The following VEPH1 variants were observed in gnomAD, a reference collection of about 807,000 sequenced individuals.
The protein encoded by VEPH1 is ventricular zone-expressed PH domain-containing protein homolog 1.
In VEPH1, 80 loss-of-function variants were observed where a neutral mutation model predicts 85.2. That is an observed-to-expected ratio of 0.94 (90% CI 0.78 to 1.13). The LOEUF is 1.13. Among genes scored for constraint, VEPH1 ranks in the 50% most tolerant of loss-of-function variants. VEPH1 has a pLI of 0.00. For missense variants in VEPH1, 955 were observed against 980.5 expected (o/e 0.97, Z 0.35); for synonymous variants, 297 against 348.0 (o/e 0.85, Z 1.63).
At chr3:157,429,397 T>C (rs144024315) in intron 4 of VEPH1, among the ~76,000 whole-genome samples, 344 of 152,296 alleles carry the variant, frequency 2.3e-3, no homozygotes, top group African/African-American at 7.9e-3. Context: ...GGTAGGAACA[T>C]GCCTATATAT....
At chr3:157,403,528 G>A (rs556756977) in intron 6 of VEPH1, among the ~76,000 whole-genome samples, 2 of 152,164 alleles carry the variant, frequency 1.3e-5, no homozygotes, top group East Asian at 1.9e-4. Context: ...GCTCGAGTGA[G>A]TAAAGTATCA....
intron 6 of VEPH1, among the ~76,000 whole-genome samples, chr3:157,400,922 G>T (rs1730745313): frequency 6.6e-6 from 1 of 152,114 alleles, no homozygotes; most frequent in Non-Finnish European, 1.5e-5. Flanking sequence ...AAGGGACCCA[G>T]AATGAATTAT....
chr3:157,321,660 A>T (rs568761639), intron 9 of VEPH1, among the ~76,000 whole-genome samples: 4 of 152,184 alleles, frequency 2.6e-5, no homozygotes, highest in African/African-American at 9.6e-5. Flanking sequence ...AATTCAATAG[A>T]AAGAGCATTG....
At chr3:157,472,207 A>G (rs67118252) in intron 2 of VEPH1, among the ~76,000 whole-genome samples, 62,916 of 152,052 alleles carry the variant, frequency 0.41, 14,644 homozygotes, top group African/African-American at 0.64. Context: ...TTGAATAAAA[A>G]TCATCTCTAC....
chr3:157,369,180 G>GAAAAAAAAAAACAA (rs1553773037), intron 7 of VEPH1, among the ~76,000 whole-genome samples: 4 of 42,780 alleles, frequency 9.4e-5, no homozygotes, highest in Non-Finnish European at 1.2e-4. Context: ...AAAACCAAAT[G>GAAAAAAAAAAACAA]AAAAAAAAAA....
intron 2 of VEPH1, among the ~76,000 whole-genome samples, chr3:157,473,483 T>C (rs1237420664): frequency 6.6e-6 from 1 of 152,024 alleles, no homozygotes; most frequent in Non-Finnish European, 1.5e-5. Context: ...CATGCAGCCT[T>C]TCTGAGATCT....
chr3:157,488,218 C>A (rs571439331), intron 2 of VEPH1, among the ~76,000 whole-genome samples: 2 of 152,230 alleles, frequency 1.3e-5, no homozygotes, highest in South Asian at 4.1e-4. Context: ...TTTCTCTGAT[C>A]TTTATGGGAA....
chr3:157,470,748 A>T (rs542657723), intron 2 of VEPH1, among the ~76,000 whole-genome samples: 2 of 152,116 alleles, frequency 1.3e-5, no homozygotes, highest in East Asian at 1.9e-4. Flanking sequence ...AGGTTCTACT[A>T]TCACCCTTAG....
intron 7 of VEPH1, among the ~76,000 whole-genome samples, chr3:157,373,587 G>A (rs1011233634): frequency 1.3e-5 from 2 of 152,154 alleles, no homozygotes; most frequent in Non-Finnish European, 1.5e-5. Context: ...CAGGGTCCAG[G>A]AAGAAGTGTC....
Position 157,261,057 on chromosome 3 carries a change from T to A in VEPH1, c.*77A>T. 6.4e-7 allele frequency: 1 copy of A among 1,556,548 alleles called. No homozygotes were observed. Among genetic ancestry groups the A allele is most frequent in the South Asian group, 1.2e-5 (1 of 82,116 alleles). On this transcript the variant is annotated 3_prime_UTR_variant, in exon 14 of 14. Coordinates refer to ENST00000362010, the MANE Select transcript of VEPH1 (RefSeq NM_001167912.2). ...TAAAAAACAACATGGCTTGGTAAAT[T>A]TAGCTCTTTTTCTTGACATTGGCAA...
chr3:157,333,229 C>T (rs536991856), intron 9 of VEPH1, among the ~76,000 whole-genome samples: 2 of 152,184 alleles, frequency 1.3e-5, no homozygotes, highest in South Asian at 2.1e-4. Context: ...TTTGGTATTC[C>T]CTAGGAAGAA....
chr3:157,437,220 A>G (rs958032723), intron 4 of VEPH1, among the ~76,000 whole-genome samples: 3 of 152,192 alleles, frequency 2.0e-5, no homozygotes, highest in East Asian at 1.9e-4. Flanking sequence ...GGAGGTTTCA[A>G]AGTTATTTCT....
intron 11 of VEPH1, among the ~76,000 whole-genome samples, chr3:157,291,981 A>T (rs1033670466): frequency 6.6e-6 from 1 of 152,204 alleles, no homozygotes; most frequent in Non-Finnish European, 1.5e-5. Context: ...ATCTATGGGT[A>T]TTACAAAAAT....
intron 2 of VEPH1, among the ~76,000 whole-genome samples, chr3:157,483,137 C>CACACAT (rs1197329949): frequency 2.0e-5 from 3 of 151,718 alleles, no homozygotes; most frequent in Admixed American, 6.6e-5. Context: ...CACACACACA[C>CACACAT]ACACACACAC....
rs1731929207 is a variant in VEPH1 at position 157,416,566 on chromosome 3, A to T, written c.697-2476T>A. 2.0e-5 allele frequency among the ~76,000 whole-genome samples: 3 copies of T among 152,240 alleles called. No individual in the cohort carries two copies. The South Asian group carries it at 6.2e-4, about 32-fold the overall frequency. ...TTTTAGCAATGAAAAATGCTTGCAC[A>T]TTTCCTGCCCCATTCTATAAAGTTT... On this transcript the variant is annotated intron_variant, in intron 5 of 13. Transcript: ENST00000362010.
intron 4 of VEPH1, among the ~76,000 whole-genome samples, chr3:157,435,191 A>G (rs1733463021): frequency 6.6e-6 from 1 of 151,942 alleles, no homozygotes; most frequent in African/African-American, 2.4e-5. Context: ...GAGCTTCAGT[A>G]GTTTTAAACA....
Position 157,372,282 on chromosome 3 carries a change from C to T in VEPH1, c.1128-7770G>A, listed in dbSNP as rs569057789. 2.6e-5 allele frequency among the ~76,000 whole-genome samples: 4 copies of T among 152,124 alleles called. No individual in the cohort carries two copies. In the South Asian group the frequency reaches 8.3e-4, roughly 32 times the overall value. On this transcript the variant is annotated intron_variant, in intron 7 of 13. Coordinates refer to ENST00000362010, the MANE Select transcript of VEPH1 (RefSeq NM_001167912.2). ...TTTTAATTGATAGAAACATAGTTAC[C>T]CAGAAATGGAGGATATACTTAATCA...
At chr3:157,308,399 A>G (rs1719745444) in intron 11 of VEPH1, among the ~76,000 whole-genome samples, 1 of 152,052 alleles carries the variant, frequency 6.6e-6, no homozygotes, top group Non-Finnish European at 1.5e-5. Context: ...GATTCGTTTC[A>G]TACGTAGCTA....
intron 4 of VEPH1, among the ~76,000 whole-genome samples, chr3:157,453,225 T>C (rs1162670906): frequency 1.3e-5 from 2 of 152,214 alleles, no homozygotes; most frequent in African/African-American, 2.4e-5. Flanking sequence ...CATTGAGCCC[T>C]GAATCAACCA....
Sources: allele counts gnomAD v4.1 joint callset (sites outside exome capture counted in the v4.1 genomes callset), GRCh38; gene constraint gnomAD v4.1.1; transcripts MANE v1.5; gene names NCBI Gene and HGNC (gene_info 2026-07-23, HGNC 2026-07-21).